TRIM37: variants seen among roughly 807,000 people sequenced by gnomAD.
TRIM37 encodes the protein tripartite motif containing 37, also known as E3 ubiquitin-protein ligase TRIM37.
In TRIM37, 80 loss-of-function variants were observed where a neutral mutation model predicts 129.8. That is an observed-to-expected ratio of 0.62 (90% confidence interval 0.51 to 0.74). TRIM37 has a LOEUF of 0.74. Ranked by LOEUF, TRIM37 falls within the 30% of genes least tolerant of loss-of-function variation. The pLI, the probability that TRIM37 is intolerant of heterozygous loss-of-function variation, is 0.00. For synonymous variants in TRIM37, 389 were observed against 387.1 expected, an observed-to-expected ratio of 1.00 and a Z score of -0.06; for missense variants, 1,054 against 1,176.5, an observed-to-expected ratio of 0.90 and a Z score of 1.52.
chr17:59,098,668 T>TA (rs57583644), intron 2 of TRIM37, among the ~76,000 whole-genome samples: 33,973 of 103,510 alleles, frequency 0.33, 6,369 homozygotes, highest in Middle Eastern at 0.44. Flanking sequence ...CTGTCTCATT[T>TA]AAAAAAAAAA....
At chr17:59,036,838 T>A (rs1352025164) in intron 17 of TRIM37, among the ~76,000 whole-genome samples, 1 of 152,004 alleles carries the variant, frequency 6.6e-6, no homozygotes, top group Non-Finnish European at 1.5e-5. Flanking sequence ...CCAGGCCAGG[T>A]GTGGTAGCTC....
intron 19 of TRIM37, among the ~76,000 whole-genome samples, chr17:59,018,726 T>G (rs992581142): frequency 6.6e-6 from 1 of 152,048 alleles, no homozygotes; most frequent in Non-Finnish European, 1.5e-5. Flanking sequence ...AGCTGTGTTT[T>G]TTTTTTTTTG....
At chr17:59,101,000 C>G (rs2045407018) in intron 2 of TRIM37, among the ~76,000 whole-genome samples, 1 of 128,802 alleles carries the variant, frequency 7.8e-6, no homozygotes, top group Admixed American at 8.8e-5. Context: ...CCAGGCTGGG[C>G]AACAAGAGCA....
In TRIM37 at chr17:59,027,884, G is replaced by A. The variant is rs74459956; in HGVS notation, c.2257+531C>T. Among the ~76,000 whole-genome samples, 1,334 of 152,068 alleles carry A rather than the reference G, an allele frequency of 8.8e-3. 7 individuals carry two copies. Among genetic ancestry groups the A allele is most frequent in the Non-Finnish European group, 0.014 (930 of 68,004 alleles). On this transcript the variant is annotated intron_variant, in intron 19 of 23. Transcript: ENST00000262294. ...GGTCTTCCTTCAATCCTTCAAATAC[G>A]CAAAATAAATCCTGTGTCAGTGACT...
intron 22 of TRIM37, among the ~76,000 whole-genome samples, chr17:59,008,664 T>C (rs537660996): frequency 6.6e-6 from 1 of 152,254 alleles, no homozygotes; most frequent in East Asian, 1.9e-4. Flanking sequence ...TTTGGGAAGC[T>C]GAGGCAGAAG....
chr17:59,012,866 A>G (rs1471544857), intron 21 of TRIM37, among the ~76,000 whole-genome samples: 3 of 148,202 alleles, frequency 2.0e-5, no homozygotes, highest in African/African-American at 5.1e-5. Context: ...ACAGAGTGAG[A>G]CTCTGTCTCA....
chr17:59,041,171 C>T (rs938547212), intron 17 of TRIM37, among the ~76,000 whole-genome samples: 4 of 152,052 alleles, frequency 2.6e-5, no homozygotes, highest in Admixed American at 1.3e-4. Flanking sequence ...TAAATAGATC[C>T]GAGAACACAC....
chr17:59,032,168 A>G, intron 17 of TRIM37, 78 bp from the exon 18 acceptor site: 1 of 1,376,748 alleles, frequency 7.3e-7, no homozygotes, highest in Non-Finnish European at 1.0e-6. Flanking sequence ...ACTGGTTAAC[A>G]TTATATGAAT....
At chr17:59,039,726 T>G (rs2038949952) in intron 17 of TRIM37, among the ~76,000 whole-genome samples, 1 of 151,978 alleles carries the variant, frequency 6.6e-6, no homozygotes, top group South Asian at 2.1e-4. Context: ...TCCTCCTGAC[T>G]AAAGAATGAT....
Position 59,070,954 on chromosome 17 carries a change from G to C in TRIM37, c.685-7C>G. 6.2e-7 allele frequency: 1 copy of C among 1,612,682 alleles called. No homozygotes were observed. The highest frequency in any genetic ancestry group is 8.5e-7 in the Non-Finnish European group (1 of 1,179,606). Reference sequence around the variant, plus strand: ...TCTTACTACAAGACCGCAACTGTGTGAGGAAAAAAATTATCTGAACAAACA... The same window carrying C: ...TCTTACTACAAGACCGCAACTGTGTCAGGAAAAAAATTATCTGAACAAACA... On this transcript the variant is annotated splice_polypyrimidine_tract_variant and splice_region_variant and intron_variant, in intron 8 of 23. Coordinates refer to ENST00000262294, the MANE Select transcript of TRIM37 (RefSeq NM_015294.6).
intron 22 of TRIM37, among the ~76,000 whole-genome samples, chr17:59,010,693 A>G (rs2035143833): frequency 6.6e-6 from 1 of 151,912 alleles, no homozygotes; most frequent in South Asian, 2.1e-4. Context: ...AGGTGTCACT[A>G]TGTTTGCCAG....
chr17:59,068,836 T>A (rs1171079503), intron 9 of TRIM37, among the ~76,000 whole-genome samples: 1 of 152,162 alleles, frequency 6.6e-6, no homozygotes, highest in Non-Finnish European at 1.5e-5. Context: ...TAACAGTGAT[T>A]CTCAGTCAGG....
At chr17:58,980,744 G>C (rs747082201), downstream of TRIM37, 3 of 1,614,090 alleles carry the variant, frequency 1.9e-6, no homozygotes, top group South Asian at 3.3e-5. The surrounding 1 kb of genome is among the most constrained non-coding windows in gnomAD (Gnocchi z 4.7). Flanking sequence ...CAAATCCCCG[G>C]GAAACAGAGT....
At position 59,044,875 on chromosome 17, in the gene TRIM37, A is replaced by G. The variant is rs73319212; in HGVS notation, c.1667+2808T>C. On this transcript the variant is annotated intron_variant, in intron 16 of 23. Coordinates refer to ENST00000262294, the MANE Select transcript of TRIM37 (RefSeq NM_015294.6). ...GCAAACAGAATGCAGTAACATATAA[A>G]AAGAATCATGAGCCGAGTGTGATGA... Among the ~76,000 whole-genome samples, 1,490 of 152,242 alleles carry G rather than the reference A, an allele frequency of 9.8e-3. 30 individuals are homozygous for G. Among genetic ancestry groups the G allele is most frequent in the African/African-American group, 0.033 (1,378 of 41,536 alleles).
chr17:59,028,153 C>T (rs1568015076), intron 19 of TRIM37, among the ~76,000 whole-genome samples: 1 of 152,148 alleles, frequency 6.6e-6, no homozygotes, highest in African/African-American at 2.4e-5. Context: ...TGTCTGATTC[C>T]CACTACTAGA....
At position 58,999,306 on chromosome 17, in the gene TRIM37, A is replaced by G. The variant is rs1248432783; in HGVS notation, c.*71T>C. ...CAAATCTGATTATCTGACTGATGAC[A>G]AATTTGAGCACCAACTACAGCAAAA... is the stretch of plus-strand genomic sequence containing the variant. On this transcript the variant is annotated 3_prime_UTR_variant, in exon 24 of 24. Transcript: ENST00000262294. 6.2e-7 allele frequency: 1 copy of G among 1,611,308 alleles called. No individual in the cohort carries two copies. Among genetic ancestry groups the G allele is most frequent in the Admixed American group, 1.7e-5 (1 of 59,748 alleles).
At position 59,079,881 on chromosome 17, in the gene TRIM37, GAAGATA is replaced by G; in HGVS notation, c.493-10_493-5del. 1 of 1,613,466 alleles carries G rather than the reference GAAGATA, an allele frequency of 6.2e-7. No individual in the cohort carries two copies. The highest frequency in any genetic ancestry group is 8.5e-7 in the Non-Finnish European group (1 of 1,179,686). On this transcript the variant is annotated splice_polypyrimidine_tract_variant and splice_region_variant and intron_variant, in intron 6 of 23. Coordinates refer to ENST00000262294, the MANE Select transcript of TRIM37 (RefSeq NM_015294.6). ...TTACAGCTTCTACATTCCTTTCCTA[GAAGATA>G]AAGAGGTAAGAATAATTTTAATTGG...
chr17:59,095,766 A>C (rs1257799591), intron 2 of TRIM37, among the ~76,000 whole-genome samples: 1 of 152,218 alleles, frequency 6.6e-6, no homozygotes, highest in Non-Finnish European at 1.5e-5. Context: ...TCACTCAGGC[A>C]GGAGAGCAGT....
chr17:59,060,693 T>C (rs993296652), intron 12 of TRIM37, among the ~76,000 whole-genome samples: 13 of 152,176 alleles, frequency 8.5e-5, no homozygotes, highest in Non-Finnish European at 1.8e-4. Context: ...TAAAATTAGA[T>C]GTTGGTGATG....
Sources: allele counts gnomAD v4.1 joint callset (sites outside exome capture counted in the v4.1 genomes callset), GRCh38; gene constraint gnomAD v4.1.1; non-coding constraint Gnocchi (gnomAD v3.1); transcripts MANE v1.5; gene names NCBI Gene and HGNC (gene_info 2026-07-23, HGNC 2026-07-21).